RSPRY1: variants seen among roughly 807,000 people sequenced by gnomAD.
The protein encoded by RSPRY1 is ring finger and SPRY domain containing 1.
Under a neutral mutation model 73.1 loss-of-function variants are expected in RSPRY1, and 23 were observed. The ratio of observed to expected loss-of-function variants is 0.31; its 90% CI spans 0.23 to 0.45. The LOEUF is 0.45. RSPRY1 is among the 20% of genes least tolerant of loss of function. The pLI, the probability that RSPRY1 is intolerant of heterozygous loss-of-function variation, is 1.00. For synonymous variants in RSPRY1, 226 were observed against 251.4 expected (o/e 0.90, Z 0.95); for missense variants, 448 against 698.7 (o/e 0.64, Z 4.05).
In RSPRY1 at chr16:57,204,846, C is replaced by G. The variant is rs551605738; in HGVS notation, c.188C>G (p.Ala63Gly). ...DDSVDTQQQQ[A>G]ENSAVPTADT... ...AGTGTTGACACCCAACAGCAACAGG[C>G]CGAGAACAGTGCAGTACCCACTGCT... The change falls in exon 2 of 15, where the codon GCC becomes GGC. Residue 63 changes from alanine (A) to glycine (G), a missense_variant. Ala to Gly is a moderately conservative substitution (Grantham distance 60). Transcript: ENST00000394420. 1 of 1,614,064 alleles carries G rather than the reference C, an allele frequency of 6.2e-7. No individual in the cohort carries two copies. The highest frequency in any genetic ancestry group is 8.5e-7 in the Non-Finnish European group (1 of 1,180,048).
In RSPRY1 at chr16:57,239,226, C is replaced by G. The variant is rs1385273240; in HGVS notation, c.*251C>G. On this transcript the variant is annotated 3_prime_UTR_variant, in exon 15 of 15. Transcript: ENST00000394420. ...GCTAGCAGCCAGGCCTGTGGTACTTCCATGAGAAACCATAGCAGACAATGC... is the reference window on the plus strand; with the variant it reads ...GCTAGCAGCCAGGCCTGTGGTACTTGCATGAGAAACCATAGCAGACAATGC... 9 of 230,972 alleles carry G rather than the reference C, an allele frequency of 3.9e-5. No individual in the cohort carries two copies. The highest frequency in any genetic ancestry group is 7.6e-5 in the Non-Finnish European group (9 of 117,920). The allele number at this position is 230,972 out of a possible 1,614,324, so 14.3% of individuals were successfully genotyped here.
In RSPRY1 at chr16:57,196,020, CA is replaced by C. The variant is rs1185993362; in HGVS notation, c.-155-8469del. Among the ~76,000 whole-genome samples the C allele has an allele frequency of 1.4e-3, 173 of 127,256 alleles. 1 individual carries two copies. The highest frequency in any genetic ancestry group is 5.0e-3 in the African/African-American group (161 of 32,296). The allele number at this position is 127,256 out of a possible 152,430, so 83.5% of individuals were successfully genotyped here. A position where few individuals can be genotyped will look rare whatever the true frequency, so the allele number is the denominator to read the frequency against. ...CTGGCGACAGAGTGAGACTTCATCT[CA>C]AAAAAAAAAAAAAATATATATATAT... is the stretch of plus-strand genomic sequence containing the variant. On this transcript the variant is annotated intron_variant, in intron 1 of 14. Transcript: ENST00000394420.
intron 4 of RSPRY1, among the ~76,000 whole-genome samples, chr16:57,211,266 TAAA>T (rs531084194): frequency 3.0e-5 from 4 of 133,860 alleles, no homozygotes; most frequent in African/African-American, 2.8e-5. Context: ...TTGTCTCTGT[TAAA>T]AAAAAAAAAA....
At chr16:57,199,363 G>A (rs1464771460) in intron 1 of RSPRY1, among the ~76,000 whole-genome samples, 12 of 152,250 alleles carry the variant, frequency 7.9e-5, no homozygotes, top group African/African-American at 2.9e-4. Flanking sequence ...ATGGTGGCGT[G>A]CGCCTGTAAT....
rs1183114374 is a variant in RSPRY1 at position 57,230,707 on chromosome 16, C to G, written c.1274-4C>G. On this transcript the variant is annotated splice_polypyrimidine_tract_variant and splice_region_variant and intron_variant, in intron 11 of 14. Transcript: ENST00000394420. ...TCCTAACAGTGTTTCTCTTTATCCT[C>G]TAGGAGATACAGTAGGATTTCTGTT... 9.3e-6 allele frequency: 14 copies of G among 1,512,948 alleles called. No individual in the cohort carries two copies. The Admixed American group carries it at 2.3e-4, about 25-fold the overall frequency. 93.7% of individuals were successfully genotyped at this position (1,512,948 alleles called of 1,614,324 possible). A position where few individuals can be genotyped will look rare whatever the true frequency, so the allele number is the denominator to read the frequency against.
Position 57,239,945 on chromosome 16 carries a change from T to G in RSPRY1, c.*970T>G, listed in dbSNP as rs1183169450. 2.0e-5 allele frequency: 3 copies of G among 152,208 alleles called. No homozygotes were observed. The highest frequency in any genetic ancestry group is 7.2e-5 in the African/African-American group (3 of 41,458). 9.4% of individuals were successfully genotyped at this position (152,208 alleles called of 1,614,324 possible). A position where few individuals can be genotyped will look rare whatever the true frequency, so the allele number is the denominator to read the frequency against. ...TTCTATTGTTCTAAATAAATACATG[T>G]TTTTGAATAGTTCAATCATGAATTA... On this transcript the variant is annotated 3_prime_UTR_variant, in exon 15 of 15. Transcript: ENST00000394420.
chr16:57,232,495 C>A (rs79424226), intron 13 of RSPRY1, among the ~76,000 whole-genome samples: 8 of 152,276 alleles, frequency 5.3e-5, no homozygotes, highest in Non-Finnish European at 8.8e-5. Context: ...TTAAATTCCT[C>A]TTGGCCAAAG....
intron 7 of RSPRY1, 54 bp from the exon 8 acceptor site, chr16:57,216,850 G>A (rs2074949580): frequency 6.4e-7 from 1 of 1,561,322 alleles, no homozygotes; most frequent in South Asian, 1.1e-5. Context: ...AATTTGCTGA[G>A]CAAATCATTC....
At chr16:57,231,120 T>C in intron 12 of RSPRY1, 47 bp from the exon 13 acceptor site, 1 of 1,565,794 alleles carries the variant, frequency 6.4e-7, no homozygotes, top group Non-Finnish European at 8.7e-7. Context: ...TAACTCTATT[T>C]TGATTTTTAT....
intron 10 of RSPRY1, among the ~76,000 whole-genome samples, chr16:57,223,807 T>C (rs2146336172): frequency 6.6e-6 from 1 of 152,350 alleles, no homozygotes; most frequent in Middle Eastern, 3.4e-3. Context: ...TTTTGCTTTT[T>C]TGTGAGTGTC....
At chr16:57,213,389 T>A (rs1297247717) in intron 5 of RSPRY1, among the ~76,000 whole-genome samples, 1 of 152,200 alleles carries the variant, frequency 6.6e-6, no homozygotes, top group Non-Finnish European at 1.5e-5. Flanking sequence ...AAATTCAGCA[T>A]AACAAAGATA....
chr16:57,195,850 G>A (rs953036186), intron 1 of RSPRY1, among the ~76,000 whole-genome samples: 4 of 151,198 alleles, frequency 2.6e-5, no homozygotes, highest in African/African-American at 4.9e-5. Context: ...TTGAAACCCC[G>A]TCTTTACTAA....
intron 1 of RSPRY1, among the ~76,000 whole-genome samples, chr16:57,197,863 A>C (rs562557920): frequency 6.6e-6 from 1 of 150,776 alleles, no homozygotes; most frequent in African/African-American, 2.4e-5. Flanking sequence ...ATCTGGGACC[A>C]CAGGTGTGCA....
intron 13 of RSPRY1, among the ~76,000 whole-genome samples, chr16:57,233,260 TACAG>T (rs1478593967): frequency 6.6e-6 from 1 of 152,156 alleles, no homozygotes; most frequent in Non-Finnish European, 1.5e-5. Context: ...TTCAAATACA[TACAG>T]AAGAAAAAAA....
At chr16:57,189,505 A>G (rs1157884769) in intron 1 of RSPRY1, among the ~76,000 whole-genome samples, 2 of 141,146 alleles carry the variant, frequency 1.4e-5, no homozygotes, top group African/African-American at 5.4e-5. Flanking sequence ...CCTGGAGGCT[A>G]AAAAAAAAAA....
At chr16:57,223,855 A>C (rs138910929) in intron 10 of RSPRY1, among the ~76,000 whole-genome samples, 220 of 152,338 alleles carry the variant, frequency 1.4e-3, no homozygotes, top group African/African-American at 5.0e-3. Context: ...TCACATATTT[A>C]TCTTTAATCT....
intron 7 of RSPRY1, chr16:57,216,638 T>G (rs950993807): frequency 2.1e-5 from 9 of 425,816 alleles, no homozygotes; most frequent in Admixed American, 7.2e-5. Flanking sequence ...GGGGATCACT[T>G]GAGCCCAGTA....
At chr16:57,202,878 T>TTATATATATATATTTA (rs2074647555) in intron 1 of RSPRY1, among the ~76,000 whole-genome samples, 2 of 131,638 alleles carry the variant, frequency 1.5e-5, no homozygotes, top group African/African-American at 2.7e-5. Flanking sequence ...TTACATATGA[T>TTATATATATATATTTA]TATATATATA....
chr16:57,191,638 TC>T lies in RSPRY1; in HGVS notation c.-156+5188del, dbSNP rs202167866. ...GAATTTTTATTTAACTTCATCTTTA[TC>T]AATTTAATTTATAGGTTTTTTTGTT... On this transcript the variant is annotated intron_variant, in intron 1 of 14. Transcript: ENST00000394420. Among the ~76,000 whole-genome samples, 464 of 152,348 alleles carry T rather than the reference TC, an allele frequency of 3.0e-3. 14 individuals are homozygous for T. Among genetic ancestry groups the T allele is most frequent in the Admixed American group, 0.024 (371 of 15,306 alleles).
Sources: allele counts gnomAD v4.1 joint callset (sites outside exome capture counted in the v4.1 genomes callset), GRCh38; gene constraint gnomAD v4.1.1; transcripts MANE v1.5; gene names NCBI Gene and HGNC (gene_info 2026-07-23, HGNC 2026-07-21).